RYR1: variants seen among roughly 807,000 people sequenced by gnomAD.
RYR1 encodes ryanodine receptor 1.
A neutral mutation model predicts 583.5 loss-of-function variants in RYR1; 342 were observed. The observed-to-expected ratio is 0.59, with a 90% confidence interval of 0.54 to 0.64. The LOEUF (loss-of-function observed/expected upper bound fraction) is 0.64. Among genes scored for constraint, RYR1 ranks in the 30% least tolerant of loss-of-function variants. RYR1 has a pLI of 0.00. For synonymous variants in RYR1, 2,791 were observed against 2,822.5 expected, an observed-to-expected ratio of 0.99 and a Z score of 0.35; for missense variants, 6,032 against 6,917.2, an observed-to-expected ratio of 0.87 and a Z score of 4.54.
Position 38,483,620 on chromosome 19 carries a change from C to T in RYR1, c.4934+104C>T. 1 of 1,038,666 alleles carries T rather than the reference C, an allele frequency of 9.6e-7. No homozygotes were observed. Among genetic ancestry groups the T allele is most frequent in the East Asian group, 2.6e-5 (1 of 38,486 alleles). 64.3% of individuals were successfully genotyped at this position (1,038,666 alleles called of 1,614,324 possible). ...CTCAACACAACCCCGGGATTCCAGA[C>T]TACACCCCAGGAATCTCCAGACCTA... On this transcript the variant is annotated intron_variant, in intron 33 of 105. Coordinates refer to ENST00000359596, the MANE Select transcript of RYR1 (RefSeq NM_000540.3). This position sits in a 1 kb window ranked among gnomAD's most constrained non-coding sequence, Gnocchi z 6.3.
At chr19:38,533,873 T>TTGAGCCATTGTGAG (rs1971848877) in intron 78 of RYR1, among the ~76,000 whole-genome samples, 1 of 152,176 alleles carries the variant, frequency 6.6e-6, no homozygotes, top group Non-Finnish European at 1.5e-5. Flanking sequence ...AAAGACATCT[T>TTGAGCCATTGTGAG]TGAGCCATTG....
At chr19:38,443,458 T>C in intron 3 of RYR1, 100 bp from the exon 4 acceptor site, 1 of 1,063,538 alleles carries the variant, frequency 9.4e-7, no homozygotes, top group East Asian at 2.6e-5. Context: ...GCATGGTATT[T>C]TACAGGGAGC....
At chr19:38,486,422 C>A (rs926806261) in intron 34 of RYR1, among the ~76,000 whole-genome samples, 2 of 152,198 alleles carry the variant, frequency 1.3e-5, no homozygotes, top group African/African-American at 4.8e-5. Flanking sequence ...CAGCTCACTG[C>A]AACCTCCGCC....
chr19:38,519,365 C>G lies in RYR1; in HGVS notation c.10170C>G (p.Gly3390=), dbSNP rs369239179. The change falls in exon 67 of 106, where the codon GGC becomes GGG. Residue 3390 remains glycine, a synonymous_variant. Coordinates refer to ENST00000359596, the MANE Select transcript of RYR1 (RefSeq NM_000540.3). ...AGGCCAAGGCGGAGGCCCAGGAGGGCGAGCTGCTGGTGCGGGACGAGTTCT... is the reference window on the plus strand; with the variant it reads ...AGGCCAAGGCGGAGGCCCAGGAGGGGGAGCTGCTGGTGCGGGACGAGTTCT... ...RLEAKAEAQE[G]ELLVRDEFSV... 2 of 1,609,986 alleles carry G rather than the reference C, an allele frequency of 1.2e-6. No individual in the cohort carries two copies. The highest frequency in any genetic ancestry group is 1.7e-6 in the Non-Finnish European group (2 of 1,178,310).
intron 89 of RYR1, among the ~76,000 whole-genome samples, chr19:38,555,500 T>C (rs1972843833): frequency 6.6e-6 from 1 of 150,752 alleles, no homozygotes; most frequent in Non-Finnish European, 1.5e-5. Context: ...TGTGTATGTG[T>C]GTGTGGCCTT....
chr19:38,440,114 G>A (rs1447000108), intron 1 of RYR1, among the ~76,000 whole-genome samples: 1 of 152,106 alleles, frequency 6.6e-6, no homozygotes, highest in African/African-American at 2.4e-5. Flanking sequence ...CCCACTTTGA[G>A]CTTCAGTTTC....
chr19:38,520,421 G>A (rs1971175295), intron 67 of RYR1, among the ~76,000 whole-genome samples: 3 of 150,546 alleles, frequency 2.0e-5, no homozygotes, highest in African/African-American at 7.3e-5. Flanking sequence ...TAGGCCGGGT[G>A]TGGTGGCTCA....
intron 38 of RYR1, among the ~76,000 whole-genome samples, chr19:38,493,667 G>A (rs1256160437): frequency 6.6e-6 from 1 of 151,886 alleles, no homozygotes; most frequent in Non-Finnish European, 1.5e-5. Flanking sequence ...CTACAGGCGC[G>A]CAGCACCATG....
In RYR1 at chr19:38,500,835, C is replaced by A. The variant is rs749392499; in HGVS notation, c.7459C>A (p.Gln2487Lys). The change falls in exon 47 of 106, where the codon CAG (glutamine) becomes AAG (lysine). Residue 2487 changes from glutamine to lysine, a missense_variant. Physicochemically the swap from Gln to Lys is moderately conservative, Grantham distance 53. Around this residue, in one of 11 missense-constraint regions of RYR1, gnomAD observed 2,627 missense variants for 2,961.3 expected, o/e 0.89. Transcript: ENST00000359596. The surrounding 1 kb of genome is among the most constrained non-coding windows in gnomAD (Gnocchi z 5.9). ...CCTGCCTGCAGATGGGGCTCTGGTGCAGCCAAAGATGTCAGCATCCTTCGT... is the reference window on the plus strand; with the variant it reads ...CCTGCCTGCAGATGGGGCTCTGGTGAAGCCAAAGATGTCAGCATCCTTCGT... Reference protein sequence around the residue: ...PTLGKDGALVQPKMSASFVPD... With the variant: ...PTLGKDGALVKPKMSASFVPD... 1 of 1,596,242 alleles carries A rather than the reference C, an allele frequency of 6.3e-7. No homozygotes were observed.
rs770046911 is a variant in RYR1, at chr19:38,573,270, G to A, written c.14092G>A (p.Val4698Met). 2.5e-6 allele frequency: 4 copies of A among 1,613,950 alleles called. No individual in the cohort carries two copies. Among genetic ancestry groups the A allele is most frequent in the South Asian group, 1.1e-5 (1 of 91,080 alleles). Residue 4698 changes from valine to methionine, a missense_variant, in exon 96 of 106, where the codon GTG becomes ATG. Transcript: ENST00000359596. ...YITEQPEDDDVKGQWDRLVLN... is the reference protein window; with the variant it reads ...YITEQPEDDDMKGQWDRLVLN... ...CACGGAGCAGCCTGAGGACGATGAC[G>A]TGAAGGGGCAGTGGGACCGACTGGT...
chr19:38,510,626 A>T, intron 59 of RYR1, 34 bp from the exon 60 acceptor site: 2 of 1,613,762 alleles, frequency 1.2e-6, no homozygotes, highest in South Asian at 1.1e-5. Flanking sequence ...CCCACCCCTC[A>T]TTGGACCCTT....
At position 38,477,833 on chromosome 19, in the gene RYR1, G is replaced by T. The variant is rs1263847987; in HGVS notation, c.4417G>T (p.Val1473Leu). ...CCTCAGCAAGGTCCGGGTCGTGACG[G>T]TGACCATGGGGGATGAACAAGGCAA... The part of the protein sequence containing the change: ...FDLSKVRVVT[V>L]TMGDEQGNVH... The change falls in exon 30 of 106, where the codon GTG (valine) becomes TTG (leucine). Residue 1473 changes from valine to leucine, a missense_variant. Around this residue, in one of 11 missense-constraint regions of RYR1, gnomAD observed 2,627 missense variants for 2,961.3 expected, o/e 0.89. Coordinates refer to ENST00000359596, the MANE Select transcript of RYR1 (RefSeq NM_000540.3). 1.2e-6 allele frequency: 2 copies of T among 1,610,816 alleles called. No homozygotes were observed. The highest frequency in any genetic ancestry group is 3.3e-5 in the Admixed American group (2 of 59,842).
At chr19:38,467,995 T>A in intron 25 of RYR1, 183 bp downstream of exon 25, 1 of 632,148 alleles carries the variant, frequency 1.6e-6, no homozygotes, top group South Asian at 1.8e-5. Context: ...TCCATCGATC[T>A]ATCAGACATC....
At chr19:38,522,436 T>C (rs1971264594) in intron 67 of RYR1, among the ~76,000 whole-genome samples, 1 of 151,854 alleles carries the variant, frequency 6.6e-6, no homozygotes. Context: ...ACCCTCTTCC[T>C]ACAAAAAATA....
At chr19:38,466,038 GC>G in intron 23 of RYR1, 52 bp from the exon 24 acceptor site, 1 of 1,536,478 alleles carries the variant, frequency 6.5e-7, no homozygotes, top group African/African-American at 1.4e-5. Flanking sequence ...ATAGTGCAGA[GC>G]CCGGAAGTGG....
At chr19:38,464,530 C>T in intron 22 of RYR1, 109 bp from the exon 23 acceptor site, 1 of 867,518 alleles carries the variant, frequency 1.2e-6, no homozygotes, top group Non-Finnish European at 1.9e-6. Context: ...GCGCCCCAGG[C>T]ACTGAAGCAG....
intron 67 of RYR1, among the ~76,000 whole-genome samples, chr19:38,521,319 A>G (rs1971216890): frequency 6.6e-6 from 1 of 150,714 alleles, no homozygotes; most frequent in African/African-American, 2.4e-5. Context: ...TTTTTAATAC[A>G]AGTAAATGAA....
At position 38,506,492 on chromosome 19, in the gene RYR1, G is replaced by A. The variant is rs112772310; in HGVS notation, c.8638G>A (p.Glu2880Lys). Residue 2880 changes from glutamate (E) to lysine (K), a missense_variant, in exon 56 of 106, where the codon GAA becomes AAA. Glu to Lys is a moderately conservative substitution (Grantham distance 56). Transcript: ENST00000359596. The stretch of plus-strand genomic sequence containing the variant: ...CCAGGCCATGGCAGAACAACTGGCA[G>A]AAAATTACCACAACACGTGGGGACG... ...ELQAMAEQLA[E>K]NYHNTWGRKK... The A allele has an allele frequency of 4.3e-6, 7 of 1,613,980 alleles. No homozygotes were observed. Among genetic ancestry groups the A allele is most frequent in the Middle Eastern group, 1.6e-4 (1 of 6,084 alleles).
Position 38,534,820 on chromosome 19 carries a change from G to C in RYR1, c.11359+1G>C, listed in dbSNP as rs1366417394. 6.2e-7 allele frequency: 1 copy of C among 1,611,120 alleles called. No individual in the cohort carries two copies. Among genetic ancestry groups the C allele is most frequent in the Non-Finnish European group, 8.5e-7 (1 of 1,178,966 alleles). ...CTGCAGATGATCAGTGCCTGCAAAGGTGCCCCTCACATGTGCACTGGACTC... is the reference window on the plus strand; with the variant it reads ...CTGCAGATGATCAGTGCCTGCAAAGCTGCCCCTCACATGTGCACTGGACTC... On this transcript the variant is annotated splice_donor_variant, in intron 79 of 105. Transcript: ENST00000359596. LOFTEE classifies it high-confidence loss of function.
Sources: gnomAD v4.1 joint callset for allele counts (sites outside exome capture counted in the v4.1 genomes callset) on GRCh38, gnomAD v4.1.1 for gene constraint, gnomAD v4.1.1 regional missense constraint, Gnocchi (gnomAD v3.1) non-coding constraint, MANE v1.5 for transcripts, NCBI Gene and HGNC (gene_info 2026-07-23, HGNC 2026-07-21) for gene names.